MACROH2A2: variants seen among roughly 807,000 people sequenced by gnomAD.
The protein encoded by MACROH2A2 is macroH2A.2 histone.
A neutral mutation model predicts 37.6 loss-of-function variants in MACROH2A2; 6 were observed. The observed-to-expected ratio is 0.16, with a 90% CI of 0.09 to 0.32. The LOEUF is 0.32. Among genes scored for constraint, MACROH2A2 ranks in the 10% least tolerant of loss-of-function variants. The pLI is 1.00. For missense variants in MACROH2A2, 290 were observed against 485.9 expected (o/e 0.60, Z 3.79); for synonymous variants, 192 against 202.7 (o/e 0.95, Z 0.45).
chr10:70,103,353 A>G (rs1176253067), intron 7 of MACROH2A2, among the ~76,000 whole-genome samples: 2 of 152,200 alleles, frequency 1.3e-5, no homozygotes, highest in African/African-American at 4.8e-5. Flanking sequence ...CAGAATGAGA[A>G]GCTCCAACAC....
intron 7 of MACROH2A2, among the ~76,000 whole-genome samples, chr10:70,104,906 CA>C (rs908951983): frequency 2.6e-5 from 4 of 151,266 alleles, no homozygotes; most frequent in South Asian, 2.1e-4. Flanking sequence ...AATATTTAAA[CA>C]AAAAAAAAGT....
intron 6 of MACROH2A2, chr10:70,098,900 C>G (rs1456273565): frequency 6.6e-6 from 1 of 152,184 alleles, no homozygotes; most frequent in Non-Finnish European, 1.5e-5. Context: ...GAGAAACTAC[C>G]TCTCTCCAGG....
At chr10:70,068,225 G>T (rs182019987) in intron 1 of MACROH2A2, among the ~76,000 whole-genome samples, 2 of 152,056 alleles carry the variant, frequency 1.3e-5, no homozygotes, top group East Asian at 3.9e-4. Flanking sequence ...CAAGTCAGAA[G>T]TATAGGTTTA....
intron 4 of MACROH2A2, 75 bp downstream of exon 4, chr10:70,092,029 C>CATATGTTGAA (rs2072248460): frequency 5.7e-6 from 7 of 1,226,434 alleles, no homozygotes; most frequent in Non-Finnish European, 1.2e-6. Context: ...CCCCACAATT[C>CATATGTTGAA]ATATGTTGAA....
chr10:70,111,641 C>G lies in MACROH2A2; in HGVS notation c.1077C>G (p.Ile359Met). The stretch of plus-strand genomic sequence containing the variant: ...TCCTGCTCTTCGACAGCGAGAGCAT[C>G]GGCATCTACGTGCAGGAGATGGCCA... Reference protein sequence around the residue: ...VYFLLFDSESIGIYVQEMAKL... With the variant: ...VYFLLFDSESMGIYVQEMAKL... Residue 359 changes from isoleucine to methionine, a missense_variant, in exon 9 of 9, where the codon ATC (isoleucine) becomes ATG (methionine). Transcript: ENST00000373255. The G allele has an allele frequency of 1.2e-6, 2 of 1,612,986 alleles. No individual in the cohort carries two copies. The highest frequency in any genetic ancestry group is 1.7e-6 in the Non-Finnish European group (2 of 1,179,576).
intron 2 of MACROH2A2, among the ~76,000 whole-genome samples, chr10:70,079,563 GCGCACACACA>G (rs1437544089): frequency 1.9e-4 from 12 of 63,178 alleles, no homozygotes; most frequent in African/African-American, 6.2e-4. Flanking sequence ...GCGCGCGCGC[GCGCACACACA>G]CACACACACA....
intron 1 of MACROH2A2, among the ~76,000 whole-genome samples, chr10:70,074,190 A>C (rs1360906351): frequency 1.3e-5 from 2 of 152,176 alleles, no homozygotes; most frequent in African/African-American, 4.8e-5. Flanking sequence ...TGGGCTTACA[A>C]AGACTCTGTC....
Position 70,053,915 on chromosome 10 carries a change from C to G in MACROH2A2, c.-60+915C>G, listed in dbSNP as rs1314358759. 2.0e-5 allele frequency among the ~76,000 whole-genome samples: 3 copies of G among 152,198 alleles called. No homozygotes were observed. The highest frequency in any genetic ancestry group is 4.4e-5 in the Non-Finnish European group (3 of 68,020). The stretch of plus-strand genomic sequence containing the variant: ...GCTCTGCCGGGCGCCGGACGCCGTG[C>G]GTATCGCTCGCGGGGCGCGGCGGTT... On this transcript the variant is annotated intron_variant, in intron 1 of 8. Coordinates refer to ENST00000373255, the MANE Select transcript of MACROH2A2 (RefSeq NM_018649.3). The surrounding 1 kb of genome is among the most constrained non-coding windows in gnomAD (Gnocchi z 4.8).
rs956357436 is a variant in MACROH2A2 at position 70,107,166 on chromosome 10, T to G, written c.779-1867T>G. Reference sequence around the variant, plus strand: ...GGTCCTGCACTCAGGCGTTCACGTGTGATGACACTGAGCCCCGTCTAGGCA... The same window carrying G: ...GGTCCTGCACTCAGGCGTTCACGTGGGATGACACTGAGCCCCGTCTAGGCA... On this transcript the variant is annotated intron_variant, in intron 7 of 8. Coordinates refer to ENST00000373255, the MANE Select transcript of MACROH2A2 (RefSeq NM_018649.3). The surrounding 1 kb of genome is among the most constrained non-coding windows in gnomAD (Gnocchi z 4.4). Among the ~76,000 whole-genome samples, 69 of 152,214 alleles carry G rather than the reference T, an allele frequency of 4.5e-4. No individual in the cohort carries two copies. Among genetic ancestry groups the G allele is most frequent in the African/African-American group, 1.6e-3 (68 of 41,540 alleles).
intron 6 of MACROH2A2, among the ~76,000 whole-genome samples, chr10:70,096,411 C>T (rs954651848): frequency 2.6e-5 from 4 of 152,050 alleles, no homozygotes; most frequent in African/African-American, 9.7e-5. Flanking sequence ...TTACATATAT[C>T]GTAAGCTTAA....
In MACROH2A2 at chr10:70,083,752, C is replaced by G. The variant is rs1051278950; in HGVS notation, c.173-6308C>G. Among the ~76,000 whole-genome samples the G allele has an allele frequency of 4.7e-5, 7 of 149,208 alleles. No homozygotes were observed. The Admixed American group carries it at 4.7e-4, about 10-fold the overall frequency. On this transcript the variant is annotated intron_variant, in intron 2 of 8. Transcript: ENST00000373255. ...CCTGGTGAAGGAGGGTGCACAGTTCCGCAAAGAGTGCATGCTCAGCTGCTC... is the reference window on the plus strand; with the variant it reads ...CCTGGTGAAGGAGGGTGCACAGTTCGGCAAAGAGTGCATGCTCAGCTGCTC...
At position 70,075,600 on chromosome 10, in the gene MACROH2A2, C is replaced by T; in HGVS notation, c.-59C>T. ...CAACTCTGTCTTCTTTCCTTTTTAG[C>T]ATTGTGTTAGTGCCGGGAGGCCACT... On this transcript the variant is annotated splice_region_variant and 5_prime_UTR_variant, in exon 2 of 9. Coordinates refer to ENST00000373255, the MANE Select transcript of MACROH2A2 (RefSeq NM_018649.3). This position sits in a 1 kb window ranked among gnomAD's most constrained non-coding sequence, Gnocchi z 5.0. The T allele has an allele frequency of 6.6e-7, 1 of 1,513,296 alleles. No individual in the cohort carries two copies. Among genetic ancestry groups the T allele is most frequent in the Non-Finnish European group, 9.2e-7 (1 of 1,092,664 alleles). The allele number at this position is 1,513,296 out of a possible 1,614,324, so 93.7% of individuals were successfully genotyped here. A position where few individuals can be genotyped will look rare whatever the true frequency, so the allele number is the denominator to read the frequency against.
chr10:70,108,913 G>A (rs1037455655), intron 7 of MACROH2A2, 120 bp from the exon 8 acceptor site: 3 of 851,072 alleles, frequency 3.5e-6, no homozygotes, highest in African/African-American at 3.3e-5. Flanking sequence ...ACAGGATGCT[G>A]CCCAGCCAAC....
chr10:70,093,120 C>G (rs2072256175), intron 4 of MACROH2A2, among the ~76,000 whole-genome samples: 1 of 152,128 alleles, frequency 6.6e-6, no homozygotes. Context: ...AGCGACCCTC[C>G]TGCCTCAGCC....
At chr10:70,088,519 T>C (rs2072225390) in intron 2 of MACROH2A2, among the ~76,000 whole-genome samples, 1 of 152,242 alleles carries the variant, frequency 6.6e-6, no homozygotes, top group African/African-American at 2.4e-5. Context: ...TACAGATTTC[T>C]TTTTTTACCC....
chr10:70,056,395 G>A (rs1338274173), intron 1 of MACROH2A2, among the ~76,000 whole-genome samples: 11 of 152,164 alleles, frequency 7.2e-5, no homozygotes, highest in Admixed American at 6.5e-4. Context: ...CTACAAGCTT[G>A]TGCCTCCCAA....
intron 7 of MACROH2A2, among the ~76,000 whole-genome samples, chr10:70,103,920 C>A (rs756232196): frequency 6.6e-6 from 1 of 152,100 alleles, no homozygotes; most frequent in Admixed American, 6.5e-5. Flanking sequence ...CAATTTCAGA[C>A]GTGCAGAAGT....
At chr10:70,099,741 C>G (rs989233390) in intron 6 of MACROH2A2, 7 of 152,394 alleles carry the variant, frequency 4.6e-5, no homozygotes, top group African/African-American at 1.7e-4. Context: ...CTGCATTTCT[C>G]CATTGCAAAC....
rs779007856 is a variant in MACROH2A2, at chr10:70,111,586, C to T, written c.1022C>T (p.Ser341Leu). The T allele has an allele frequency of 8.1e-6, 13 of 1,613,676 alleles. No individual in the cohort carries two copies. Among genetic ancestry groups the T allele is most frequent in the Admixed American group, 3.3e-5 (2 of 59,946 alleles). Residue 341 changes from serine (S) to leucine (L), a missense_variant, in exon 9 of 9, where the codon TCG (serine) becomes TTG (leucine). By Grantham distance (145) the Ser-to-Leu change is moderately radical. This residue lies in a region of MACROH2A2 where 130 missense variants were observed against 257.1 expected (regional missense o/e 0.51). Coordinates refer to ENST00000373255, the MANE Select transcript of MACROH2A2 (RefSeq NM_018649.3). ...LKAISAHFDD[S>L]SASSLKNVYF... ...GCCATCTCAGCCCACTTTGATGACT[C>T]GAGCGCGTCCTCGCTGAAGAACGTG... is the stretch of plus-strand genomic sequence containing the variant.
Sources: allele counts gnomAD v4.1 joint callset (sites outside exome capture counted in the v4.1 genomes callset), GRCh38; gene constraint gnomAD v4.1.1; regional missense constraint gnomAD v4.1.1; non-coding constraint Gnocchi (gnomAD v3.1); transcripts MANE v1.5; gene names NCBI Gene and HGNC (gene_info 2026-07-23, HGNC 2026-07-21).